Variants in CALN1 observed in about 807,000 individuals in gnomAD.
CALN1 encodes the protein calneuron 1, also known as calcium-binding protein 8.
A neutral mutation model predicts 30.6 loss-of-function variants in CALN1; 17 were observed. The observed-to-expected ratio is 0.56, with a 90% CI of 0.38 to 0.83. The LOEUF (loss-of-function observed/expected upper bound fraction) is 0.83, where lower values mean the gene tolerates loss of function less well. CALN1 is among the 40% of genes least tolerant of loss of function. The probability of loss-of-function intolerance (pLI) is 0.00; values close to 1 mark genes in which losing one functional copy is unlikely to be tolerated. For synonymous variants in CALN1, 156 were observed against 131.4 expected, an observed-to-expected ratio of 1.19 and a Z score of -1.28; for missense variants, 291 against 354.9, an observed-to-expected ratio of 0.82 and a Z score of 1.45.
At chr7:72,156,128 G>A (rs1002850398) in intron 3 of CALN1, among the ~76,000 whole-genome samples, 6 of 152,116 alleles carry the variant, frequency 3.9e-5, no homozygotes, top group African/African-American at 1.4e-4. Flanking sequence ...GGCAACTAGT[G>A]GTCCAAAATC....
At chr7:72,055,656 T>C (rs1183848904) in intron 4 of CALN1, among the ~76,000 whole-genome samples, 3 of 152,150 alleles carry the variant, frequency 2.0e-5, no homozygotes, top group Non-Finnish European at 2.9e-5. Context: ...TTTATATAGC[T>C]GAAAGCAAAT....
chr7:72,325,863 C>A lies in CALN1; in HGVS notation c.120-47053G>T, dbSNP rs73362907. On this transcript the variant is annotated intron_variant, in intron 2 of 6. Coordinates refer to ENST00000395275, the MANE Select transcript of CALN1 (RefSeq NM_031468.4). Reference sequence around the variant, plus strand: ...CAATAACCTCGCAGAGACCTCTCTGCCGCTTGACATCTGGGCAAAAAATGT... The same window carrying A: ...CAATAACCTCGCAGAGACCTCTCTGACGCTTGACATCTGGGCAAAAAATGT... Among the ~76,000 whole-genome samples the A allele has an allele frequency of 3.4e-3, 522 of 152,206 alleles. 3 individuals carry two copies. Among genetic ancestry groups the A allele is most frequent in the African/African-American group, 0.012 (494 of 41,540 alleles).
At position 71,846,163 on chromosome 7, in the gene CALN1, C is replaced by A. The variant is rs111601260; in HGVS notation, c.502-35671G>T. Among the ~76,000 whole-genome samples, 1,375 of 152,252 alleles carry A rather than the reference C, an allele frequency of 9.0e-3. 17 individuals carry two copies. Among genetic ancestry groups the A allele is most frequent in the African/African-American group, 0.029 (1,214 of 41,562 alleles). On this transcript the variant is annotated intron_variant, in intron 5 of 6. Transcript: ENST00000395275. ...TGAACATTCAGCACCTGACTGACTGCAGCATTTAGGATACACCAACAAAGA... is the reference window on the plus strand; with the variant it reads ...TGAACATTCAGCACCTGACTGACTGAAGCATTTAGGATACACCAACAAAGA...
chr7:72,409,342 T>G lies in CALN1; in HGVS notation c.-74+2716A>C, dbSNP rs975763282. On this transcript the variant is annotated intron_variant, in intron 1 of 6. Transcript: ENST00000395275. ...TGTGCTTGTAACCCATGCACCAGAT[T>G]GGTTGCTGAAGGCCACAGAGGCTGA... Among the ~76,000 whole-genome samples the G allele has an allele frequency of 2.0e-5, 3 of 151,708 alleles. No individual in the cohort carries two copies. The East Asian group carries it at 6.0e-4, about 30-fold the overall frequency.
chr7:72,110,792 G>A (rs1460351145), intron 3 of CALN1, among the ~76,000 whole-genome samples: 1 of 152,054 alleles, frequency 6.6e-6, no homozygotes, highest in African/African-American at 2.4e-5. Context: ...AGAAGGAAAT[G>A]GGTCTTGCAG....
intron 5 of CALN1, among the ~76,000 whole-genome samples, chr7:71,988,237 A>G (rs1392991421): frequency 6.6e-6 from 1 of 152,168 alleles, no homozygotes; most frequent in South Asian, 2.1e-4. Context: ...CACTTTAAAG[A>G]TGAAGGAAAT....
At position 71,814,894 on chromosome 7, in the gene CALN1, C is replaced by T. The variant is rs189341556; in HGVS notation, c.502-4402G>A. On this transcript the variant is annotated intron_variant, in intron 5 of 6. Coordinates refer to ENST00000395275, the MANE Select transcript of CALN1 (RefSeq NM_031468.4). ...TGTCCCCCACCCTGGAGTGCAGTGA[C>T]GCAATCTTGGCTCACTGTAATCTCC... Among the ~76,000 whole-genome samples, 786 of 150,698 alleles carry T rather than the reference C, an allele frequency of 5.2e-3. 4 individuals carry two copies. The highest frequency in any genetic ancestry group is 0.017 in the African/African-American group (706 of 41,010).
intron 2 of CALN1, among the ~76,000 whole-genome samples, chr7:72,309,231 GAC>G (rs1799872084): frequency 6.6e-6 from 1 of 152,186 alleles, no homozygotes; most frequent in South Asian, 2.1e-4. Context: ...AGATGGAGAA[GAC>G]ACAACTAAAG....
chr7:72,063,488 G>C (rs1460444154), intron 4 of CALN1, among the ~76,000 whole-genome samples: 1 of 152,158 alleles, frequency 6.6e-6, no homozygotes, highest in African/African-American at 2.4e-5. Context: ...GAAGCCAAGA[G>C]AACTGCAGAG....
At chr7:72,464,097 A>AGAGAG in the CALN1 span, among the ~76,000 whole-genome samples, 1 of 151,522 alleles carries the variant, frequency 6.6e-6, no homozygotes, top group African/African-American at 2.4e-5. Flanking sequence ...AGAAAGAAAG[A>AGAGAG]AAGAGAGAGA....
At chr7:71,847,733 AAAGAAGAAAGAAGAAGAAAGAAG>A (rs1223101545) in intron 5 of CALN1, among the ~76,000 whole-genome samples, 2 of 128,508 alleles carry the variant, frequency 1.6e-5, no homozygotes, top group Admixed American at 8.2e-5. Flanking sequence ...AAGAAAGAAG[AAAGAAGAAAGAAGAAGAAAGAAG>A]AAAGAAGAAG....
intron 4 of CALN1, among the ~76,000 whole-genome samples, chr7:72,031,223 C>T (rs140142505): frequency 5.9e-5 from 9 of 152,228 alleles, no homozygotes; most frequent in South Asian, 4.2e-4. Context: ...TCTTACCAAG[C>T]GAGTGCTATG....
chr7:72,251,396 CT>C (rs561449124), intron 3 of CALN1, among the ~76,000 whole-genome samples: 2 of 151,658 alleles, frequency 1.3e-5, no homozygotes, highest in African/African-American at 2.4e-5. Flanking sequence ...CTCTGAACTA[CT>C]TTTTTTTTCC....
chr7:71,879,254 G>A (rs1792427868), intron 5 of CALN1, among the ~76,000 whole-genome samples: 1 of 152,078 alleles, frequency 6.6e-6, no homozygotes, highest in Non-Finnish European at 1.5e-5. Context: ...TTCTCCCCAT[G>A]AGAAGATGAT....
chr7:72,357,848 T>TTTTA (rs144178757), intron 2 of CALN1, among the ~76,000 whole-genome samples: 5,814 of 147,676 alleles, frequency 0.039, 213 homozygotes, highest in African/African-American at 0.076. Flanking sequence ...TTATATATAT[T>TTTTA]TATATTTATA....
Position 71,830,033 on chromosome 7 carries a change from CTT to C in CALN1, c.502-19543_502-19542del, listed in dbSNP as rs67629864. On this transcript the variant is annotated intron_variant, in intron 5 of 6. Transcript: ENST00000395275. Reference sequence around the variant, plus strand: ...TGTGTATGTGTGCATGAGTAAGTTCCTTTTTTTTTTTTTTTGTTCTTTTTTGG... The same window carrying C: ...TGTGTATGTGTGCATGAGTAAGTTCCTTTTTTTTTTTTTGTTCTTTTTTGG... 3.1e-3 allele frequency among the ~76,000 whole-genome samples: 426 copies of C among 136,656 alleles called. 1 individual carries two copies. Among genetic ancestry groups the C allele is most frequent in the Non-Finnish European group, 4.6e-3 (290 of 63,078 alleles). The allele number at this position is 136,656 out of a possible 152,430, so 89.7% of individuals were successfully genotyped here. A position where few individuals can be genotyped will look rare whatever the true frequency, so the allele number is the denominator to read the frequency against.
intron 3 of CALN1, among the ~76,000 whole-genome samples, chr7:72,121,356 T>C (rs926048151): frequency 1.4e-5 from 2 of 145,076 alleles, no homozygotes; most frequent in African/African-American, 2.5e-5. Context: ...TATATAATTA[T>C]GCAATATGAT....
chr7:72,173,324 A>AAT (rs148899936), intron 3 of CALN1, among the ~76,000 whole-genome samples: 867 of 151,494 alleles, frequency 5.7e-3, no homozygotes, highest in African/African-American at 8.0e-3. Flanking sequence ...GACCTAAATG[A>AAT]ATATATATAT....
intron 2 of CALN1, among the ~76,000 whole-genome samples, chr7:72,298,305 G>T (rs950452064): frequency 6.6e-6 from 1 of 152,124 alleles, no homozygotes; most frequent in African/African-American, 2.4e-5. Context: ...CTTTGTTGTG[G>T]CACAAAAGCC....
Sources: allele counts gnomAD v4.1 joint callset (sites outside exome capture counted in the v4.1 genomes callset), GRCh38; gene constraint gnomAD v4.1.1; transcripts MANE v1.5; gene names NCBI Gene and HGNC (gene_info 2026-07-23, HGNC 2026-07-21).